TDRD5: variants seen among roughly 807,000 people sequenced by gnomAD.
TDRD5 encodes tudor domain-containing protein 5.
A neutral mutation model predicts 120.6 loss-of-function variants in TDRD5; 41 were observed. The observed-to-expected ratio is 0.34, with a 90% CI of 0.26 to 0.44. The LOEUF is 0.44. Among genes scored for constraint, TDRD5 ranks in the 20% least tolerant of loss-of-function variants. The pLI is 1.00. For synonymous variants in TDRD5, 430 were observed against 433.7 expected (o/e 0.99, Z 0.11); for missense variants, 1,006 against 1,221.2 (o/e 0.82, Z 2.63).
chr1:179,643,121 G>C (rs2102034675), intron 11 of TDRD5, among the ~76,000 whole-genome samples: 1 of 152,234 alleles, frequency 6.6e-6, no homozygotes, highest in South Asian at 2.1e-4. Flanking sequence ...AGTAGCCCTA[G>C]TGAAAAAATC....
intron 5 of TDRD5, among the ~76,000 whole-genome samples, 175 bp from the exon 6 acceptor site, chr1:179,620,857 TTTG>T (rs1267954245): frequency 2.6e-5 from 4 of 151,864 alleles, no homozygotes; most frequent in African/African-American, 9.7e-5. Flanking sequence ...ACAGTCTCTT[TTTG>T]TTCTAATGTT....
intron 11 of TDRD5, among the ~76,000 whole-genome samples, chr1:179,649,732 C>CT: frequency 6.6e-6 from 1 of 152,126 alleles, no homozygotes. Flanking sequence ...TGTTTCTGTT[C>CT]TTTTTTGATT....
chr1:179,688,727 G>A (rs999893347), intron 17 of TDRD5, among the ~76,000 whole-genome samples: 1 of 152,084 alleles, frequency 6.6e-6, no homozygotes, highest in Non-Finnish European at 1.5e-5. Context: ...CATATTTCTT[G>A]GAGGCTTTGT....
At chr1:179,658,063 T>G (rs1438671134) in intron 14 of TDRD5, among the ~76,000 whole-genome samples, 1 of 152,200 alleles carries the variant, frequency 6.6e-6, no homozygotes, top group Admixed American at 6.5e-5. Flanking sequence ...AGATTCCACA[T>G]GTAAGTGAGA....
chr1:179,662,788 A>C lies in TDRD5; in HGVS notation c.2505+502A>C, dbSNP rs369429835. 3.3e-5 allele frequency among the ~76,000 whole-genome samples: 5 copies of C among 152,340 alleles called. No homozygotes were observed. In the East Asian group the frequency reaches 9.6e-4, roughly 29 times the overall value. On this transcript the variant is annotated intron_variant, in intron 15 of 17. Transcript: ENST00000444136. ...AGGATTCATCATGGGACAATAAACC[A>C]TAGGCCAATTTTTGCATATCTGCCC...
intron 17 of TDRD5, among the ~76,000 whole-genome samples, chr1:179,679,966 C>G (rs1680335451): frequency 6.6e-6 from 1 of 151,982 alleles, no homozygotes; most frequent in Non-Finnish European, 1.5e-5. Context: ...ACAATTTTCC[C>G]TCTAAACCCT....
intron 17 of TDRD5, among the ~76,000 whole-genome samples, chr1:179,689,510 T>C (rs1251536006): frequency 6.6e-6 from 1 of 152,214 alleles, no homozygotes; most frequent in African/African-American, 2.4e-5. Context: ...AGGGACCCAC[T>C]TCAGGAGGCA....
At chr1:179,638,331 A>G (rs957512209) in intron 9 of TDRD5, among the ~76,000 whole-genome samples, 2 of 127,066 alleles carry the variant, frequency 1.6e-5, no homozygotes, top group Non-Finnish European at 3.5e-5. Flanking sequence ...AATAAGAAAG[A>G]GAAGGAGATG....
At position 179,652,171 on chromosome 1, in the gene TDRD5, T is replaced by G; in HGVS notation, c.2134T>G (p.Ser712Ala). The change falls in exon 13 of 18, where the codon TCA becomes GCA. Residue 712 changes from serine (S) to alanine (A), a missense_variant. Physicochemically the swap from Ser to Ala is moderately conservative, Grantham distance 99 (BLOSUM62 1). Around this residue, in one of 3 missense-constraint regions of TDRD5, gnomAD observed 403 missense variants for 448.1 expected, o/e 0.90. Coordinates refer to ENST00000444136, the MANE Select transcript of TDRD5 (RefSeq NM_001199085.3). The stretch of plus-strand genomic sequence containing the variant: ...TGAAGACCGAAAGATAAGTCCACAG[T>G]CAAAAGAGAGTGAGTTACGTATCTT... ...FNEDRKISPQ[S>A]KESELRILQD... The G allele has an allele frequency of 6.2e-7, 1 of 1,610,972 alleles. No individual in the cohort carries two copies. The highest frequency in any genetic ancestry group is 8.5e-7 in the Non-Finnish European group (1 of 1,179,292).
intron 4 of TDRD5, among the ~76,000 whole-genome samples, chr1:179,606,828 A>AGTAACCAAATAGTGTGG (rs1676008055): frequency 5.9e-5 from 9 of 152,120 alleles, no homozygotes. Flanking sequence ...CCAGTACCAC[A>AGTAACCAAATAGTGTGG]CTATTTGGTT....
intron 6 of TDRD5, among the ~76,000 whole-genome samples, chr1:179,626,063 G>T (rs1341748316): frequency 6.6e-6 from 1 of 151,966 alleles, no homozygotes; most frequent in Non-Finnish European, 1.5e-5. Context: ...GGGGCCTGTT[G>T]TGGGGTGGGG....
At chr1:179,592,337 T>C (rs1340001526) in intron 1 of TDRD5, 4 of 383,800 alleles carry the variant, frequency 1.0e-5, no homozygotes, top group Non-Finnish European at 1.5e-5. Flanking sequence ...TGCGTTGGAG[T>C]CCAACACCCG....
In TDRD5 at chr1:179,658,045, G is replaced by C. The variant is rs148174367; in HGVS notation, c.2322+3683G>C. 3.7e-3 allele frequency among the ~76,000 whole-genome samples: 560 copies of C among 152,144 alleles called. 2 individuals carry two copies. The highest frequency in any genetic ancestry group is 0.013 in the African/African-American group (527 of 41,512). On this transcript the variant is annotated intron_variant, in intron 14 of 17. Transcript: ENST00000444136. ...CCTCTGGTAACTACTATTTCACTCT[G>C]CTTTTTTAGATTCCACATGTAAGTG... is the stretch of plus-strand genomic sequence containing the variant.
At chr1:179,611,501 C>T (rs1676271985) in intron 4 of TDRD5, among the ~76,000 whole-genome samples, 1 of 152,128 alleles carries the variant, frequency 6.6e-6, no homozygotes, top group Non-Finnish European at 1.5e-5. Context: ...GACTACCCTA[C>T]CATTTATGAA....
At chr1:179,633,749 A>G (rs1301462067) in intron 7 of TDRD5, among the ~76,000 whole-genome samples, 2 of 152,218 alleles carry the variant, frequency 1.3e-5, no homozygotes, top group Non-Finnish European at 2.9e-5. Context: ...GAATTAAGGA[A>G]TCGTATTATG....
intron 3 of TDRD5, among the ~76,000 whole-genome samples, chr1:179,594,678 C>T (rs1489823123): frequency 1.3e-5 from 2 of 152,216 alleles, no homozygotes; most frequent in African/African-American, 2.4e-5. Flanking sequence ...TTCTTTTTCT[C>T]CAACTTCTGC....
chr1:179,644,668 C>A (rs1485009177), intron 11 of TDRD5, among the ~76,000 whole-genome samples: 1 of 151,654 alleles, frequency 6.6e-6, no homozygotes, highest in Middle Eastern at 3.4e-3. Flanking sequence ...TTTTTTTGTC[C>A]TTTTGATGTT....
chr1:179,689,996 G>A (rs983492399), intron 17 of TDRD5, among the ~76,000 whole-genome samples: 32 of 152,154 alleles, frequency 2.1e-4, no homozygotes, highest in Non-Finnish European at 4.0e-4. Flanking sequence ...GACCCCTTGC[G>A]CTTCCCCGGT....
At chr1:179,635,432 T>C (rs906991316) in intron 8 of TDRD5, among the ~76,000 whole-genome samples, 5 of 152,180 alleles carry the variant, frequency 3.3e-5, no homozygotes, top group Non-Finnish European at 5.9e-5. Context: ...GGTAGTAGTT[T>C]TCATATTTTA....
Sources: gnomAD v4.1 joint callset for allele counts (sites outside exome capture counted in the v4.1 genomes callset) on GRCh38, gnomAD v4.1.1 for gene constraint, gnomAD v4.1.1 regional missense constraint, MANE v1.5 for transcripts, NCBI Gene and HGNC (gene_info 2026-07-23, HGNC 2026-07-21) for gene names.